RHOBTB3: variants seen among roughly 807,000 people sequenced by gnomAD.
The protein encoded by RHOBTB3 is Rho related BTB domain containing 3.
A neutral mutation model predicts 67.2 loss-of-function variants in RHOBTB3; 47 were observed. The observed-to-expected ratio is 0.70, with a 90% CI of 0.55 to 0.89. RHOBTB3 has a LOEUF of 0.89. Among genes scored for constraint, RHOBTB3 ranks in the 40% least tolerant of loss-of-function variants. The pLI is 0.00. For missense variants in RHOBTB3, 631 were observed against 750.0 expected, an observed-to-expected ratio of 0.84 and a Z score of 1.85; for synonymous variants, 273 against 274.2, an observed-to-expected ratio of 1.00 and a Z score of 0.04.
chr5:95,733,442 G>C (rs556863975), intron 2 of RHOBTB3, among the ~76,000 whole-genome samples: 1 of 152,176 alleles, frequency 6.6e-6, no homozygotes, highest in Non-Finnish European at 1.5e-5. Context: ...GCTACATTAG[G>C]ATGTTAGGAT....
At chr5:95,763,357 G>A in intron 6 of RHOBTB3, 151 bp from the exon 7 acceptor site, 1 of 581,774 alleles carries the variant, frequency 1.7e-6, no homozygotes. Flanking sequence ...TGTGAGTACT[G>A]TTTAAATGTT....
intron 4 of RHOBTB3, among the ~76,000 whole-genome samples, chr5:95,750,827 C>T (rs1745069665): frequency 6.6e-6 from 1 of 152,104 alleles, no homozygotes; most frequent in Non-Finnish European, 1.5e-5. Context: ...CTTTAAAGCT[C>T]TGTGTTAGAG....
intron 6 of RHOBTB3, among the ~76,000 whole-genome samples, chr5:95,759,677 C>CTTGTT (rs967454946): frequency 5.9e-5 from 9 of 152,156 alleles, no homozygotes; most frequent in African/African-American, 1.7e-4. Context: ...ATGGGCCAGG[C>CTTGTT]TTGTTTTGTT....
intron 6 of RHOBTB3, among the ~76,000 whole-genome samples, chr5:95,756,869 C>A (rs1745261394): frequency 6.6e-6 from 1 of 152,088 alleles, no homozygotes; most frequent in Non-Finnish European, 1.5e-5. Flanking sequence ...TAAAAAACAT[C>A]CAAAATATGA....
chr5:95,722,883 A>G (rs994837776), intron 1 of RHOBTB3, among the ~76,000 whole-genome samples: 1 of 152,264 alleles, frequency 6.6e-6, no homozygotes, highest in Non-Finnish European at 1.5e-5. Flanking sequence ...GAAAAATACT[A>G]GTAGAAACAG....
rs1197462794 is a variant in RHOBTB3 at position 95,731,937 on chromosome 5, T to C, written c.81T>C (p.Thr27=). ...ACCGGCCGTCGGGGCTTATCCGCACTTACCTGGGGAGAAGCCCTCTGGTCT... is the reference window on the plus strand; with the variant it reads ...ACCGGCCGTCGGGGCTTATCCGCACCTACCTGGGGAGAAGCCCTCTGGTCT... ...QDNRPSGLIR[T]YLGRSPLVSG... The change falls in exon 2 of 12, where the codon ACT becomes ACC. Residue 27 remains threonine, a synonymous_variant. Transcript: ENST00000379982. 2 of 1,614,088 alleles carry C rather than the reference T, an allele frequency of 1.2e-6. No homozygotes were observed. Among genetic ancestry groups the C allele is most frequent in the East Asian group, 4.5e-5 (2 of 44,874 alleles).
At chr5:95,724,088 G>T (rs1341956564) in intron 1 of RHOBTB3, among the ~76,000 whole-genome samples, 2 of 152,132 alleles carry the variant, frequency 1.3e-5, no homozygotes, top group East Asian at 1.9e-4. Flanking sequence ...TGTGAATAAA[G>T]CTTTACAGGG....
intron 10 of RHOBTB3, among the ~76,000 whole-genome samples, chr5:95,787,025 C>T (rs765184904): frequency 6.6e-6 from 1 of 152,192 alleles, no homozygotes; most frequent in East Asian, 1.9e-4. Flanking sequence ...AAGCGGAAAG[C>T]TTATTCAGAT....
intron 2 of RHOBTB3, chr5:95,732,392 G>C: frequency 1.8e-6 from 1 of 561,662 alleles, no homozygotes; most frequent in Non-Finnish European, 3.1e-6. Flanking sequence ...AAGGGACGGG[G>C]TCACTAAGTT....
At chr5:95,722,695 G>A (rs1754924558) in intron 1 of RHOBTB3, among the ~76,000 whole-genome samples, 1 of 152,164 alleles carries the variant, frequency 6.6e-6, no homozygotes, top group Non-Finnish European at 1.5e-5. Context: ...TCACCTTGTT[G>A]GCCAGGCTGG....
intron 10 of RHOBTB3, among the ~76,000 whole-genome samples, chr5:95,786,181 C>T (rs1172516411): frequency 1.3e-5 from 2 of 152,174 alleles, no homozygotes; most frequent in African/African-American, 4.8e-5. Context: ...CCCAAGTTTT[C>T]TTTGAAGTTC....
intron 8 of RHOBTB3, among the ~76,000 whole-genome samples, chr5:95,777,442 GA>G (rs1386283404): frequency 6.6e-6 from 1 of 152,032 alleles, no homozygotes; most frequent in South Asian, 2.1e-4. Flanking sequence ...CTTTTCCTTA[GA>G]AAAAAATTCT....
chr5:95,767,978 T>C (rs929436953), intron 7 of RHOBTB3, 68 bp from the exon 8 acceptor site: 3 of 1,479,816 alleles, frequency 2.0e-6, no homozygotes, highest in Non-Finnish European at 1.9e-6. Flanking sequence ...TCCAAATTCC[T>C]AGCCTAGCCT....
At chr5:95,786,956 A>G (rs1746240580) in intron 10 of RHOBTB3, among the ~76,000 whole-genome samples, 1 of 152,162 alleles carries the variant, frequency 6.6e-6, no homozygotes, top group African/African-American at 2.4e-5. Flanking sequence ...GTTGAAATCT[A>G]CTTCCCAAAC....
At position 95,783,846 on chromosome 5, in the gene RHOBTB3, A is replaced by C; in HGVS notation, c.1506A>C (p.Gln502His). 6.2e-7 allele frequency: 1 copy of C among 1,613,852 alleles called. No homozygotes were observed. The highest frequency in any genetic ancestry group is 8.5e-7 in the Non-Finnish European group (1 of 1,179,876). Residue 502 changes from glutamine (Q) to histidine (H), a missense_variant, in exon 10 of 12, where the codon CAA becomes CAC. Coordinates refer to ENST00000379982, the MANE Select transcript of RHOBTB3 (RefSeq NM_014899.4). ...TCCTGATCTGTGCCGAGATGTACCA[A>C]GTGTCCAGACTGCAGCACATCTGTG... ...MCLLICAEMY[Q>H]VSRLQHICEL...
rs1014224750 is a variant in RHOBTB3 at position 95,775,392 on chromosome 5, G to GTA, written c.1283-4850_1283-4849dup. ...ATCCTAAACTATTAAGAATGTGTGT[G>GTA]TATATATATATGTGTATATATATAT... On this transcript the variant is annotated intron_variant, in intron 8 of 11. Transcript: ENST00000379982. Among the ~76,000 whole-genome samples the GTA allele has an allele frequency of 2.5e-4, 37 of 146,400 alleles. 2 individuals carry two copies. Among genetic ancestry groups the GTA allele is most frequent in the Admixed American group, 5.5e-4 (8 of 14,630 alleles).
intron 1 of RHOBTB3, 45 bp from the exon 2 acceptor site, chr5:95,731,814 G>A (rs771249924): frequency 5.0e-6 from 8 of 1,600,138 alleles, no homozygotes; most frequent in Non-Finnish European, 6.8e-6. Context: ...AGACCCGCGC[G>A]CTGACCGTGC....
In RHOBTB3 at chr5:95,748,472, G is replaced by T; in HGVS notation, c.555G>T (p.Lys185Asn). 6.2e-7 allele frequency: 1 copy of T among 1,609,656 alleles called. No homozygotes were observed. Among genetic ancestry groups the T allele is most frequent in the Middle Eastern group, 1.7e-4 (1 of 6,036 alleles). ...GCCTTGATGACTTCTACATAGGAAA[G>T]TATTTTGGAGGAGTGGTAAGTGGAA... ...LHSLDDFYIG[K>N]YFGGVLEYFM... Residue 185 changes from lysine (K) to asparagine (N), a missense_variant, in exon 4 of 12, where the codon AAG becomes AAT. Physicochemically the swap from Lys to Asn is moderately conservative, Grantham distance 94. Coordinates refer to ENST00000379982, the MANE Select transcript of RHOBTB3 (RefSeq NM_014899.4).
At chr5:95,765,483 C>G (rs1003305065) in intron 7 of RHOBTB3, among the ~76,000 whole-genome samples, 2 of 152,166 alleles carry the variant, frequency 1.3e-5, no homozygotes, top group African/African-American at 4.8e-5. Context: ...GGGGCTGTCT[C>G]ATTTACTGAG....
Sources: allele counts gnomAD v4.1 joint callset (sites outside exome capture counted in the v4.1 genomes callset), GRCh38; gene constraint gnomAD v4.1.1; transcripts MANE v1.5; gene names NCBI Gene and HGNC (gene_info 2026-07-23, HGNC 2026-07-21).